NYAP2: variants seen among roughly 807,000 people sequenced by gnomAD.
NYAP2 encodes neuronal tyrosine-phosphorylated phosphoinositide-3-kinase adapter 2.
NYAP2 carries 23 observed loss-of-function variants against 50.4 expected under a neutral mutation model. The ratio of observed to expected loss-of-function variants is 0.46; its 90% confidence interval spans 0.33 to 0.65. NYAP2 has a LOEUF of 0.65. Ranked by LOEUF, NYAP2 falls within the 30% of genes least tolerant of loss-of-function variation. NYAP2 has a pLI of 0.02. For missense variants in NYAP2, 885 were observed against 861.0 expected (o/e 1.03, Z -0.35); for synonymous variants, 394 against 365.2 (o/e 1.08, Z -0.90).
intron 3 of NYAP2, among the ~76,000 whole-genome samples, chr2:225,410,447 T>C (rs78318648): frequency 0.01 from 1,540 of 152,154 alleles, 27 homozygotes; most frequent in African/African-American, 0.035. Context: ...CTGTGAAGTA[T>C]TTTTGATGGA....
chr2:225,698,137 C>T, the NYAP2 span: 2 of 151,938 alleles, frequency 1.3e-5, no homozygotes, highest in Non-Finnish European at 2.9e-5. Flanking sequence ...GTGATTGCAT[C>T]ATCGTATTCT....
chr2:225,608,502 C>G (rs563928965), intron 5 of NYAP2, among the ~76,000 whole-genome samples: 36 of 152,186 alleles, frequency 2.4e-4, no homozygotes, highest in African/African-American at 8.7e-4. Context: ...TTAAAACATT[C>G]AATTTGTTAC....
chr2:225,538,667 C>T (rs1691393948), intron 4 of NYAP2, among the ~76,000 whole-genome samples: 2 of 152,144 alleles, frequency 1.3e-5, no homozygotes, highest in Admixed American at 6.6e-5. Flanking sequence ...AGACATTTTC[C>T]CCATTGTCTT....
At chr2:225,653,290 G>A in exon 7 of NYAP2, 1 of 152,132 alleles carries the variant, frequency 6.6e-6, no homozygotes, top group East Asian at 1.9e-4. Flanking sequence ...TGTATTATTT[G>A]TTTTGTTTTG....
chr2:225,649,933 C>A (rs147029178), intron 6 of NYAP2, among the ~76,000 whole-genome samples: 9 of 152,296 alleles, frequency 5.9e-5, no homozygotes, highest in African/African-American at 2.2e-4. Context: ...TGTTTATTGT[C>A]TTTTATTGTT....
intron 4 of NYAP2, among the ~76,000 whole-genome samples, chr2:225,536,954 T>A (rs1043244131): frequency 6.6e-6 from 1 of 151,964 alleles, no homozygotes; most frequent in South Asian, 2.1e-4. Flanking sequence ...TTTTTATATT[T>A]TTTTTAGTAG....
At chr2:225,689,753 T>G in the NYAP2 span, among the ~76,000 whole-genome samples, 1 of 151,868 alleles carries the variant, frequency 6.6e-6, no homozygotes. Flanking sequence ...GATCAGTAGA[T>G]TAGAGTTAAA....
chr2:225,656,924 G>C (rs939278538), downstream of NYAP2, among the ~76,000 whole-genome samples: 3 of 151,952 alleles, frequency 2.0e-5, no homozygotes, highest in African/African-American at 7.3e-5. Context: ...TTTTGTTCCT[G>C]TTCTTCAGTC....
At chr2:225,494,096 G>A (rs1690459223) in intron 3 of NYAP2, among the ~76,000 whole-genome samples, 1 of 152,222 alleles carries the variant, frequency 6.6e-6, no homozygotes, top group African/African-American at 2.4e-5. Context: ...ATGGGAAAGT[G>A]TCTGTAGCAA....
At chr2:225,500,304 G>A (rs1019830694) in intron 3 of NYAP2, among the ~76,000 whole-genome samples, 5 of 152,182 alleles carry the variant, frequency 3.3e-5, no homozygotes, top group African/African-American at 1.2e-4. Flanking sequence ...AGTTTAAGTT[G>A]CATTCATTAT....
At chr2:225,618,011 T>C (rs544180624) in intron 5 of NYAP2, among the ~76,000 whole-genome samples, 2 of 152,314 alleles carry the variant, frequency 1.3e-5, no homozygotes, top group African/African-American at 2.4e-5. Flanking sequence ...CAACAAGATA[T>C]ATAAACAACA....
chr2:225,667,283 GA>G, the NYAP2 span, among the ~76,000 whole-genome samples: 1 of 146,160 alleles, frequency 6.8e-6, no homozygotes, highest in African/African-American at 2.4e-5. Context: ...ACGTGTGTGT[GA>G]ATATATAAAT....
Position 225,580,842 on chromosome 2 carries a change from A to G in NYAP2, c.524-1099A>G, listed in dbSNP as rs1036092. Reference sequence around the variant, plus strand: ...CTTCTCTTTAGCTTGTTAGCTCCTCACAGTCTTACAACTCTAAGTTGTACT... The same window carrying G: ...CTTCTCTTTAGCTTGTTAGCTCCTCGCAGTCTTACAACTCTAAGTTGTACT... On this transcript the variant is annotated intron_variant, in intron 4 of 6. Coordinates refer to ENST00000636099, the Ensembl canonical transcript of NYAP2. 1.1e-3 allele frequency among the ~76,000 whole-genome samples: 173 copies of G among 151,876 alleles called. 1 individual carries two copies. The highest frequency in any genetic ancestry group is 2.4e-3 in the Admixed American group (36 of 15,256).
At chr2:225,679,683 CA>C in the NYAP2 span, among the ~76,000 whole-genome samples, 1 of 151,658 alleles carries the variant, frequency 6.6e-6, no homozygotes, top group South Asian at 2.1e-4. Context: ...TCAGTAGAGA[CA>C]GGGTTTCACC....
At chr2:225,689,177 T>C in the NYAP2 span, among the ~76,000 whole-genome samples, 1 of 152,210 alleles carries the variant, frequency 6.6e-6, no homozygotes, top group African/African-American at 2.4e-5. Context: ...AAGTAATTTG[T>C]GACATGGGTC....
intron 3 of NYAP2, among the ~76,000 whole-genome samples, chr2:225,415,459 C>T (rs921927567): frequency 6.6e-6 from 1 of 152,082 alleles, no homozygotes; most frequent in Non-Finnish European, 1.5e-5. Flanking sequence ...GACATAATTA[C>T]ACAGAGAGCT....
chr2:225,454,749 G>A (rs1382347608), intron 3 of NYAP2, among the ~76,000 whole-genome samples: 1 of 152,150 alleles, frequency 6.6e-6, no homozygotes, highest in African/African-American at 2.4e-5. Context: ...ATGATCTGAG[G>A]TGGAACAGTT....
chr2:225,553,691 C>A (rs1691721424), intron 4 of NYAP2, among the ~76,000 whole-genome samples: 1 of 152,160 alleles, frequency 6.6e-6, no homozygotes, highest in Non-Finnish European at 1.5e-5. Flanking sequence ...AGTATATGTG[C>A]TTTCCATTTC....
At chr2:225,538,329 T>G (rs570588835) in intron 4 of NYAP2, among the ~76,000 whole-genome samples, 2 of 152,334 alleles carry the variant, frequency 1.3e-5, no homozygotes, top group Non-Finnish European at 2.9e-5. Context: ...CTGCTCAAAC[T>G]TCTGTCTGGA....
Sources: allele counts gnomAD v4.1 joint callset (sites outside exome capture counted in the v4.1 genomes callset), GRCh38; gene constraint gnomAD v4.1.1; transcripts MANE v1.5; gene names NCBI Gene and HGNC (gene_info 2026-07-23, HGNC 2026-07-21).